RANBP10: variants seen among roughly 807,000 people sequenced by gnomAD.
The protein encoded by RANBP10 is ran-binding protein 10.
A neutral mutation model predicts 72.8 loss-of-function variants in RANBP10; 24 were observed. The ratio of observed to expected loss-of-function variants is 0.33; its 90% CI spans 0.24 to 0.46. The LOEUF is 0.46. Among genes scored for constraint, RANBP10 ranks in the 20% least tolerant of loss-of-function variants. The probability of loss-of-function intolerance (pLI) is 1.00; values close to 1 mark genes in which losing one functional copy is unlikely to be tolerated. For missense variants in RANBP10, 679 were observed against 817.5 expected (o/e 0.83, Z 2.07); for synonymous variants, 310 against 322.3 (o/e 0.96, Z 0.41).
At position 67,805,544 on chromosome 16, in the gene RANBP10, C is replaced by T; in HGVS notation, c.236-5G>A. 1.2e-6 allele frequency: 2 copies of T among 1,611,792 alleles called. No homozygotes were observed. The highest frequency in any genetic ancestry group is 1.7e-6 in the Non-Finnish European group (2 of 1,178,726). On this transcript the variant is annotated splice_region_variant and splice_polypyrimidine_tract_variant and intron_variant, in intron 1 of 13. Coordinates refer to ENST00000317506, the MANE Select transcript of RANBP10 (RefSeq NM_020850.3). The stretch of plus-strand genomic sequence containing the variant: ...CTTTGTGATTTTTGCCATGACCTAA[C>T]AGGAGAGGGCAAGTAAGAAATTTCA...
chr16:67,765,227 A>C (rs1444716166), intron 3 of RANBP10, among the ~76,000 whole-genome samples: 21 of 149,738 alleles, frequency 1.4e-4, no homozygotes, highest in Non-Finnish European at 3.0e-4. Context: ...AAAAAAAAAA[A>C]ACATTAAAAA....
intron 3 of RANBP10, among the ~76,000 whole-genome samples, chr16:67,746,794 T>C (rs2054089481): frequency 1.3e-5 from 2 of 152,236 alleles, no homozygotes; most frequent in African/African-American, 2.4e-5. Flanking sequence ...ATGAGGTGTC[T>C]TGCCTGGCTT....
intron 3 of RANBP10, among the ~76,000 whole-genome samples, chr16:67,756,775 T>A (rs1322993063): frequency 1.3e-5 from 2 of 152,134 alleles, no homozygotes; most frequent in Non-Finnish European, 1.5e-5. Context: ...AAGCCAGTCA[T>A]CTCTTCCCAA....
chr16:67,758,700 G>C (rs542217000), intron 3 of RANBP10, among the ~76,000 whole-genome samples: 2 of 152,214 alleles, frequency 1.3e-5, no homozygotes, highest in Non-Finnish European at 2.9e-5. Flanking sequence ...CTCTGCTGTC[G>C]ATGAAACCTT....
At chr16:67,772,152 TCAAA>T (rs1429635748) in intron 2 of RANBP10, 66 bp from the exon 3 acceptor site, 2 of 1,517,274 alleles carry the variant, frequency 1.3e-6, no homozygotes, top group Middle Eastern at 3.6e-4. Flanking sequence ...GTCTCCCTTC[TCAAA>T]CATTTATTGG....
Position 67,726,573 on chromosome 16 carries a change from C to A in RANBP10, c.1733-15G>T. ...GTTCTGGGACTCTGTGGAGGAAAGA[C>A]AAGGCCTGGTCACTGGCCTGCCCAG... On this transcript the variant is annotated splice_polypyrimidine_tract_variant and intron_variant, in intron 13 of 13. Coordinates refer to ENST00000317506, the MANE Select transcript of RANBP10 (RefSeq NM_020850.3). 6.5e-7 allele frequency: 1 copy of A among 1,548,438 alleles called. No individual in the cohort carries two copies. Among genetic ancestry groups the A allele is most frequent in the Non-Finnish European group, 8.7e-7 (1 of 1,145,378 alleles).
At chr16:67,805,655 T>TAG (rs2055377432) in intron 1 of RANBP10, 116 bp from the exon 2 acceptor site, 1 of 779,858 alleles carries the variant, frequency 1.3e-6, no homozygotes, top group African/African-American at 1.7e-5. Flanking sequence ...AGGACGCACT[T>TAG]ACACAGGCCG....
At chr16:67,791,552 T>C (rs1477040056) in intron 2 of RANBP10, among the ~76,000 whole-genome samples, 2 of 152,110 alleles carry the variant, frequency 1.3e-5, no homozygotes, top group Non-Finnish European at 2.9e-5. Flanking sequence ...TGCAGGAAGG[T>C]ACCAGCTCTG....
chr16:67,729,513 G>A lies in RANBP10; in HGVS notation c.1148-29C>T, dbSNP rs1267469789. The A allele has an allele frequency of 3.1e-6, 5 of 1,599,230 alleles. No homozygotes were observed. The highest frequency in any genetic ancestry group is 1.7e-4 in the Middle Eastern group (1 of 5,806). On this transcript the variant is annotated intron_variant, in intron 9 of 13. Coordinates refer to ENST00000317506, the MANE Select transcript of RANBP10 (RefSeq NM_020850.3). This position sits in a 1 kb window ranked among gnomAD's most constrained non-coding sequence, Gnocchi z 7.1. ...GAAGCCAGGGTGACAGTCAGAAGAG[G>A]AGGGGCAGCTTCCCATGAAATGAAG...
intron 6 of RANBP10, among the ~76,000 whole-genome samples, chr16:67,732,523 A>C (rs2053753719): frequency 6.6e-6 from 1 of 152,222 alleles, no homozygotes; most frequent in East Asian, 1.9e-4. Context: ...TCAAGCTTTA[A>C]GGGGTAAATG....
chr16:67,788,193 G>A (rs1384899926), intron 2 of RANBP10, among the ~76,000 whole-genome samples: 4 of 151,802 alleles, frequency 2.6e-5, no homozygotes, highest in African/African-American at 9.7e-5. Flanking sequence ...TTGACTGACT[G>A]ATTGATTGAT....
chr16:67,782,460 TA>T (rs1024025606), intron 2 of RANBP10, among the ~76,000 whole-genome samples: 25 of 151,506 alleles, frequency 1.7e-4, no homozygotes, highest in African/African-American at 5.8e-4. Context: ...TTTATTTTAT[TA>T]TTTTTTTAGA....
intron 1 of RANBP10, among the ~76,000 whole-genome samples, 179 bp from the exon 2 acceptor site, chr16:67,805,718 C>T (rs932507914): frequency 1.3e-5 from 2 of 152,232 alleles, no homozygotes; most frequent in Admixed American, 1.3e-4. Context: ...TTTGCCTCAC[C>T]TCCTCCTGAG....
At chr16:67,733,201 C>G (rs575040847) in intron 6 of RANBP10, among the ~76,000 whole-genome samples, 1 of 151,572 alleles carries the variant, frequency 6.6e-6, no homozygotes, top group South Asian at 2.1e-4. Context: ...CCTGTCCCCA[C>G]AAAAAATACA....
intron 10 of RANBP10, 113 bp from the exon 11 acceptor site, chr16:67,728,624 C>CG: frequency 1.3e-6 from 2 of 1,567,898 alleles, no homozygotes; most frequent in East Asian, 2.3e-5. Context: ...CGAGGACCCC[C>CG]AGGAACATGA....
Position 67,729,179 on chromosome 16 carries a change from G to A in RANBP10, c.1352+101C>T, listed in dbSNP as rs888337127. ...AGGACTCCAGGCACAGACCTGAGAT[G>A]GAGGCTGGGGGTGAAGGGCAGGGCG... On this transcript the variant is annotated intron_variant, in intron 10 of 13. Coordinates refer to ENST00000317506, the MANE Select transcript of RANBP10 (RefSeq NM_020850.3). The surrounding 1 kb of genome is among the most constrained non-coding windows in gnomAD (Gnocchi z 7.1). The A allele has an allele frequency of 8.5e-6, 13 of 1,536,550 alleles. No homozygotes were observed. Among genetic ancestry groups the A allele is most frequent in the Non-Finnish European group, 1.1e-5 (13 of 1,141,830 alleles).
chr16:67,748,919 C>T (rs2054143110), intron 3 of RANBP10, among the ~76,000 whole-genome samples: 1 of 152,140 alleles, frequency 6.6e-6, no homozygotes. Context: ...CTCCTTGGGG[C>T]CTAAGCAGCA....
rs748423767 is a variant in RANBP10, at chr16:67,728,274, C to T, written c.1474+116G>A. ...CGGCTAAGGAGGCTGTGGACCAGGTCTGGCTGAAGCTTCTCAAGATGCCAA... is the reference window on the plus strand; with the variant it reads ...CGGCTAAGGAGGCTGTGGACCAGGTTTGGCTGAAGCTTCTCAAGATGCCAA... On this transcript the variant is annotated intron_variant, in intron 11 of 13. Coordinates refer to ENST00000317506, the MANE Select transcript of RANBP10 (RefSeq NM_020850.3). 525 of 1,134,066 alleles carry T rather than the reference C, an allele frequency of 4.6e-4. 1 individual carries two copies. The highest frequency in any genetic ancestry group is 5.7e-4 in the Non-Finnish European group (450 of 788,518). The allele number at this position is 1,134,066 out of a possible 1,614,324, so 70.3% of individuals were successfully genotyped here. A position where few individuals can be genotyped will look rare whatever the true frequency, so the allele number is the denominator to read the frequency against.
Position 67,754,579 on chromosome 16 carries a change from T to C in RANBP10, c.401-10124A>G, listed in dbSNP as rs114779890. Among the ~76,000 whole-genome samples, 610 of 152,270 alleles carry C rather than the reference T, an allele frequency of 4.0e-3. 7 individuals carry two copies. Among genetic ancestry groups the C allele is most frequent in the African/African-American group, 0.014 (566 of 41,556 alleles). ...GAGAAGTTGTACAGTGGAGAGGAACTGGCACTACACTGCCGTCTTGAGAAA... is the reference window on the plus strand; with the variant it reads ...GAGAAGTTGTACAGTGGAGAGGAACCGGCACTACACTGCCGTCTTGAGAAA... On this transcript the variant is annotated intron_variant, in intron 3 of 13. Transcript: ENST00000317506.
Sources: gnomAD v4.1 joint callset for allele counts (sites outside exome capture counted in the v4.1 genomes callset) on GRCh38, gnomAD v4.1.1 for gene constraint, Gnocchi (gnomAD v3.1) non-coding constraint, MANE v1.5 for transcripts, NCBI Gene and HGNC (gene_info 2026-07-23, HGNC 2026-07-21) for gene names.